SMAD2: variants seen among roughly 807,000 people sequenced by gnomAD.
SMAD2 encodes the protein MAD homolog 2.
Under a neutral mutation model 64.4 loss-of-function variants are expected in SMAD2, and 8 were observed. That is an observed-to-expected ratio of 0.12 (90% CI 0.07 to 0.22). The LOEUF is 0.22. Ranked by LOEUF, SMAD2 falls within the 10% of genes least tolerant of loss-of-function variation. The pLI is 1.00. For missense variants in SMAD2, 289 were observed against 561.2 expected (o/e 0.51, Z 4.90); for synonymous variants, 203 against 195.8 (o/e 1.04, Z -0.31).
intron 2 of SMAD2, among the ~76,000 whole-genome samples, chr18:47,894,875 AAT>A (rs1372143573): frequency 2.6e-5 from 4 of 152,204 alleles, no homozygotes; most frequent in Non-Finnish European, 5.9e-5. Context: ...TGAAGAATGA[AAT>A]ATAGCTTGAC....
intron 1 of SMAD2, among the ~76,000 whole-genome samples, chr18:47,909,826 C>T (rs1432627889): frequency 6.6e-6 from 1 of 152,158 alleles, no homozygotes; most frequent in Non-Finnish European, 1.5e-5. Flanking sequence ...TGGTAACCCA[C>T]AATCCCATGA....
At chr18:47,926,433 G>C (rs1360875351) in intron 1 of SMAD2, among the ~76,000 whole-genome samples, 1 of 152,144 alleles carries the variant, frequency 6.6e-6, no homozygotes, top group African/African-American at 2.4e-5. Flanking sequence ...GTGTCTTGTA[G>C]ATTATCTCTA....
Position 47,820,896 on chromosome 18 carries a change from T to TACACACACACACACACAC in SMAD2, c.*20913_*20930dup, listed in dbSNP as rs57448043. 2.6e-4 allele frequency: 39 copies of TACACACACACACACACAC among 148,328 alleles called. No individual in the cohort carries two copies. Among genetic ancestry groups the TACACACACACACACACAC allele is most frequent in the African/African-American group, 9.1e-4 (36 of 39,532 alleles). 9.2% of individuals were successfully genotyped at this position (148,328 alleles called of 1,614,324 possible). On this transcript the variant is annotated 3_prime_UTR_variant, in exon 11 of 11. Coordinates refer to ENST00000262160, the MANE Select transcript of SMAD2 (RefSeq NM_005901.6). ...TAGTGTAAATGCTATACATGCACTA[T>TACACACACACACACACAC]ACACACACACACACACACACACACA...
chr18:47,880,422 T>C (rs549965248), intron 2 of SMAD2, among the ~76,000 whole-genome samples: 4 of 152,346 alleles, frequency 2.6e-5, no homozygotes, highest in South Asian at 4.1e-4. Context: ...TTTGGCAACT[T>C]TGTTGAAAAT....
intron 1 of SMAD2, chr18:47,930,152 C>G (rs944268304): frequency 2.0e-5 from 3 of 152,164 alleles, no homozygotes; most frequent in African/African-American, 7.3e-5. Context: ...CCCCCGTCAG[C>G]CTGGGCGGCA....
chr18:47,841,545 A>G lies in SMAD2; in HGVS notation c.*282T>C. The G allele has an allele frequency of 2.1e-6, 1 of 486,562 alleles. No homozygotes were observed. The highest frequency in any genetic ancestry group is 3.8e-6 in the Non-Finnish European group (1 of 264,836). The allele number at this position is 486,562 out of a possible 1,614,324, so 30.1% of individuals were successfully genotyped here. ...GTACACATAACTACTACTGTTATTA[A>G]TAAACCTTTGGGACACTCAGTTTTA... is the stretch of plus-strand genomic sequence containing the variant. On this transcript the variant is annotated 3_prime_UTR_variant, in exon 11 of 11. Coordinates refer to ENST00000262160, the MANE Select transcript of SMAD2 (RefSeq NM_005901.6).
intron 10 of SMAD2, among the ~76,000 whole-genome samples, chr18:47,843,808 A>G (rs1914207344): frequency 6.6e-6 from 1 of 152,210 alleles, no homozygotes; most frequent in Admixed American, 6.5e-5. Flanking sequence ...TGAGTTAAAG[A>G]ACAGCAGAGT....
chr18:47,918,432 T>C (rs1322017806), intron 1 of SMAD2, among the ~76,000 whole-genome samples: 2 of 152,162 alleles, frequency 1.3e-5, no homozygotes. Flanking sequence ...ATGCTAATAT[T>C]GGGAGTTTAC....
intron 7 of SMAD2, among the ~76,000 whole-genome samples, chr18:47,849,480 AATGT>A (rs990145915): frequency 5.2e-4 from 21 of 40,528 alleles, no homozygotes; most frequent in African/African-American, 2.3e-3. Context: ...GTAATACAGA[AATGT>A]ATGTATATAT....
chr18:47,873,156 T>C (rs1175468187), intron 2 of SMAD2, among the ~76,000 whole-genome samples: 2 of 152,188 alleles, frequency 1.3e-5, no homozygotes, highest in African/African-American at 4.8e-5. Flanking sequence ...TGCCATTTTT[T>C]ATCAGAACTT....
intron 6 of SMAD2, among the ~76,000 whole-genome samples, chr18:47,859,593 T>G (rs1294310988): frequency 6.6e-6 from 1 of 152,044 alleles, no homozygotes; most frequent in East Asian, 1.9e-4. Flanking sequence ...AGAAAATAAG[T>G]GATAATTTAA....
In SMAD2 at chr18:47,882,041, CTTTTTTTTT is replaced by C. The variant is rs71162900; in HGVS notation, c.237-11486_237-11478del. On this transcript the variant is annotated intron_variant, in intron 2 of 10. Transcript: ENST00000262160. ...CACAGGAATGTACTACCACGCTTGG[CTTTTTTTTT>C]TTTTTTTTTTTTTTTTTGTGGAGAC... Among the ~76,000 whole-genome samples, 43 of 38,868 alleles carry C rather than the reference CTTTTTTTTT, an allele frequency of 1.1e-3. 2 individuals carry two copies. The South Asian group carries it at 0.023, about 21-fold the overall frequency. The allele number at this position is 38,868 out of a possible 152,430, so 25.5% of individuals were successfully genotyped here.
intron 1 of SMAD2, among the ~76,000 whole-genome samples, chr18:47,924,259 A>AG (rs2034675960): frequency 6.6e-6 from 1 of 151,554 alleles, no homozygotes. Context: ...AAAAAAAAAA[A>AG]AAAAAAGAAT....
chr18:47,929,648 G>A (rs932857790), intron 1 of SMAD2, among the ~76,000 whole-genome samples: 2 of 152,270 alleles, frequency 1.3e-5, no homozygotes, highest in Admixed American at 6.5e-5. Flanking sequence ...AAAGGGTCAA[G>A]AGAAAGGAAT....
intron 2 of SMAD2, among the ~76,000 whole-genome samples, chr18:47,894,322 C>T (rs1039127492): frequency 6.6e-6 from 1 of 152,190 alleles, no homozygotes; most frequent in African/African-American, 2.4e-5. Flanking sequence ...TCGCTGCAAC[C>T]CACGTTGCAC....
chr18:47,921,089 C>T (rs2034541763), intron 1 of SMAD2, among the ~76,000 whole-genome samples: 1 of 152,122 alleles, frequency 6.6e-6, no homozygotes, highest in Admixed American at 6.5e-5. Flanking sequence ...CCCTGGCAGT[C>T]AAGGTTGCAG....
Position 47,825,511 on chromosome 18 carries a change from A to C in SMAD2, c.*16316T>G, listed in dbSNP as rs906359066. ...CTCTGACCTTCTCCATCAAGCTATGAAGCAGCAGCAAAGCCCTTGCCAAAA... is the reference window on the plus strand; with the variant it reads ...CTCTGACCTTCTCCATCAAGCTATGCAGCAGCAGCAAAGCCCTTGCCAAAA... On this transcript the variant is annotated 3_prime_UTR_variant, in exon 11 of 11. Coordinates refer to ENST00000262160, the MANE Select transcript of SMAD2 (RefSeq NM_005901.6). 1 of 152,508 alleles carries C rather than the reference A, an allele frequency of 6.6e-6. No individual in the cohort carries two copies. Among genetic ancestry groups the C allele is most frequent in the Non-Finnish European group, 1.5e-5 (1 of 68,282 alleles). 9.4% of individuals were successfully genotyped at this position (152,508 alleles called of 1,614,324 possible).
chr18:47,876,384 T>C (rs982150811), intron 2 of SMAD2, among the ~76,000 whole-genome samples: 8 of 152,074 alleles, frequency 5.3e-5, no homozygotes, highest in African/African-American at 1.9e-4. Flanking sequence ...ACTACAATGA[T>C]GTCCCTGCAT....
intron 4 of SMAD2, 112 bp from the exon 5 acceptor site, chr18:47,868,569 G>A: frequency 2.5e-6 from 2 of 807,480 alleles, no homozygotes; most frequent in Non-Finnish European, 4.2e-6. Flanking sequence ...TTAAAGCTAG[G>A]GTCCACCTAC....
Sources: gnomAD v4.1 joint callset for allele counts (sites outside exome capture counted in the v4.1 genomes callset) on GRCh38, gnomAD v4.1.1 for gene constraint, MANE v1.5 for transcripts, NCBI Gene and HGNC (gene_info 2026-07-23, HGNC 2026-07-21) for gene names.